The following CSMD1 variants were observed in gnomAD, a reference collection of about 807,000 sequenced individuals.
The protein encoded by CSMD1 is CUB and Sushi multiple domains 1.
Under a neutral mutation model 417.5 loss-of-function variants are expected in CSMD1, and 213 were observed. The observed-to-expected ratio is 0.51, with a 90% CI of 0.46 to 0.57. The LOEUF is 0.57. Among genes scored for constraint, CSMD1 ranks in the 20% least tolerant of loss-of-function variants. The pLI is 0.00. For missense variants in CSMD1, 6,923 were observed against 4,529.7 expected (o/e 1.53, Z -15.17); for synonymous variants, 2,862 against 1,736.8 (o/e 1.65, Z -16.11).
chr8:4,273,513 G>T (rs545805944), intron 3 of CSMD1, among the ~76,000 whole-genome samples: 1 of 152,086 alleles, frequency 6.6e-6, no homozygotes, highest in Non-Finnish European at 1.5e-5. Context: ...TAGCAAATAA[G>T]AATAGAGGAC....
chr8:3,426,368 C>A (rs530726996), intron 12 of CSMD1, among the ~76,000 whole-genome samples: 134 of 152,276 alleles, frequency 8.8e-4, no homozygotes, highest in Non-Finnish European at 1.4e-3. Context: ...CTCATAGATA[C>A]TTGGAACTCC....
intron 10 of CSMD1, among the ~76,000 whole-genome samples, chr8:3,528,381 G>C (rs1023973709): frequency 3.9e-5 from 6 of 152,122 alleles, no homozygotes; most frequent in Admixed American, 1.3e-4. Flanking sequence ...AAATATCTAA[G>C]AGCACTTGTC....
intron 68 of CSMD1, among the ~76,000 whole-genome samples, chr8:2,946,657 T>C (rs918085381): frequency 2.0e-5 from 3 of 152,350 alleles, no homozygotes; most frequent in African/African-American, 4.8e-5. Flanking sequence ...GACATTTTGG[T>C]TGTATCTACA....
chr8:4,579,252 T>C (rs1009608655), intron 2 of CSMD1, among the ~76,000 whole-genome samples: 1 of 149,018 alleles, frequency 6.7e-6, no homozygotes, highest in Non-Finnish European at 1.5e-5. Flanking sequence ...AGTTTAAACA[T>C]ACATACATAT....
At chr8:3,300,274 T>C (rs1032443514) in intron 25 of CSMD1, among the ~76,000 whole-genome samples, 4 of 152,180 alleles carry the variant, frequency 2.6e-5, no homozygotes, top group Non-Finnish European at 5.9e-5. Flanking sequence ...TGTTTGTATT[T>C]GCATAGAAAA....
At chr8:4,593,829 G>C (rs56121324) in intron 2 of CSMD1, among the ~76,000 whole-genome samples, 1 of 152,114 alleles carries the variant, frequency 6.6e-6, no homozygotes, top group Admixed American at 6.6e-5. Context: ...CTAGAGAATG[G>C]AGCAGTTTGC....
In CSMD1 at chr8:3,539,139, C is replaced by T. The variant is rs979278573; in HGVS notation, c.1344+35806G>A. On this transcript the variant is annotated intron_variant, in intron 10 of 69. Coordinates refer to ENST00000635120, the MANE Select transcript of CSMD1 (RefSeq NM_033225.6). ...CGGATAGCAGGGACCGCTTGTCTTT[C>T]CCTTCCACATACCAAGATGTTCTGG... Among the ~76,000 whole-genome samples, 6 of 152,208 alleles carry T rather than the reference C, an allele frequency of 3.9e-5. No individual in the cohort carries two copies. The East Asian group carries it at 1.2e-3, about 29-fold the overall frequency.
rs1321069566 is a variant in CSMD1 at position 2,938,334 on chromosome 8, C to A, written c.*251G>T. The A allele has an allele frequency of 2.3e-5, 10 of 426,946 alleles. No individual in the cohort carries two copies. The highest frequency in any genetic ancestry group is 3.3e-5 in the Non-Finnish European group (8 of 241,638). The allele number at this position is 426,946 out of a possible 1,614,324, so 26.4% of individuals were successfully genotyped here. On this transcript the variant is annotated 3_prime_UTR_variant, in exon 70 of 70. Transcript: ENST00000635120. The stretch of plus-strand genomic sequence containing the variant: ...GACGTGGCAGTCTTCCTGGAGTGTG[C>A]CTTGATTTCATACAGATGCAGCCAG...
At chr8:3,097,622 G>A (rs1027806267) in intron 46 of CSMD1, among the ~76,000 whole-genome samples, 1 of 152,166 alleles carries the variant, frequency 6.6e-6, no homozygotes, top group Non-Finnish European at 1.5e-5. Context: ...GCCCGGGGAT[G>A]ATGACAGATT....
In CSMD1 at chr8:4,689,136, T is replaced by C. The variant is rs370199621; in HGVS notation, c.86-51578A>G. 9.8e-5 allele frequency among the ~76,000 whole-genome samples: 15 copies of C among 152,336 alleles called. No homozygotes were observed. The South Asian group carries it at 3.1e-3, about 32-fold the overall frequency. On this transcript the variant is annotated intron_variant, in intron 1 of 69. Coordinates refer to ENST00000635120, the MANE Select transcript of CSMD1 (RefSeq NM_033225.6). Reference sequence around the variant, plus strand: ...AACAGGTAACTTAGTGATCATATAATGCCTGAATTCAGCAAAGGTAACAGG... The same window carrying C: ...AACAGGTAACTTAGTGATCATATAACGCCTGAATTCAGCAAAGGTAACAGG...
intron 37 of CSMD1, among the ~76,000 whole-genome samples, chr8:3,179,049 G>T (rs370069083): frequency 6.6e-6 from 1 of 150,532 alleles, no homozygotes; most frequent in Non-Finnish European, 1.5e-5. Flanking sequence ...CCGGGTTCAC[G>T]CCATTCTCCT....
intron 1 of CSMD1, among the ~76,000 whole-genome samples, chr8:4,929,395 C>T (rs1807084553): frequency 6.6e-6 from 1 of 152,140 alleles, no homozygotes; most frequent in Admixed American, 6.5e-5. Context: ...AGGACTCCTC[C>T]TAAATAACAG....
intron 26 of CSMD1, among the ~76,000 whole-genome samples, chr8:3,241,607 C>T (rs915842765): frequency 2.0e-4 from 30 of 152,090 alleles, no homozygotes; most frequent in Non-Finnish European, 1.0e-4. Flanking sequence ...CCTGCACAGA[C>T]GGGACACGGT....
At chr8:3,837,590 G>C (rs781459171) in intron 5 of CSMD1, among the ~76,000 whole-genome samples, 7 of 152,196 alleles carry the variant, frequency 4.6e-5, no homozygotes, top group Admixed American at 1.3e-4. Context: ...TGACAAGTAA[G>C]TTTAGAAGTC....
intron 3 of CSMD1, among the ~76,000 whole-genome samples, chr8:4,304,037 G>A (rs1358431265): frequency 2.0e-5 from 3 of 152,146 alleles, no homozygotes; most frequent in African/African-American, 4.8e-5. Context: ...AGAAAGCAGT[G>A]ATGAGAGAAC....
At chr8:3,499,868 T>A (rs1344018979) in intron 10 of CSMD1, among the ~76,000 whole-genome samples, 2 of 151,984 alleles carry the variant, frequency 1.3e-5, no homozygotes, top group African/African-American at 2.4e-5. Context: ...GTCCTGAAAA[T>A]GGCACCATGC....
intron 26 of CSMD1, among the ~76,000 whole-genome samples, chr8:3,231,710 C>G (rs540952490): frequency 6.6e-6 from 1 of 152,056 alleles, no homozygotes; most frequent in Non-Finnish European, 1.5e-5. Flanking sequence ...AAGCTCTATC[C>G]AATAGTGTCA....
At chr8:3,890,287 TTTAC>T (rs759766042) in intron 5 of CSMD1, among the ~76,000 whole-genome samples, 5 of 152,134 alleles carry the variant, frequency 3.3e-5, no homozygotes, top group Non-Finnish European at 7.4e-5. Context: ...TGGGTTTTGA[TTTAC>T]TTGAAAAATA....
intron 3 of CSMD1, among the ~76,000 whole-genome samples, chr8:4,126,558 T>G (rs1417565119): frequency 6.6e-6 from 1 of 152,108 alleles, no homozygotes; most frequent in East Asian, 1.9e-4. Flanking sequence ...GATCCACAAT[T>G]GTGGGATGGA....
Sources: allele counts gnomAD v4.1 joint callset (sites outside exome capture counted in the v4.1 genomes callset), GRCh38; gene constraint gnomAD v4.1.1; transcripts MANE v1.5; gene names NCBI Gene and HGNC (gene_info 2026-07-23, HGNC 2026-07-21).